MAX: variants seen among roughly 807,000 people sequenced by gnomAD.
MAX encodes protein max.
A neutral mutation model predicts 22.3 loss-of-function variants in MAX; 3 were observed. That is an observed-to-expected ratio of 0.13 (90% CI 0.06 to 0.35). The LOEUF is 0.35. Ranked by LOEUF, MAX falls within the 10% of genes least tolerant of loss-of-function variation. The pLI, the probability that MAX is intolerant of heterozygous loss-of-function variation, is 1.00. For synonymous variants in MAX, 72 were observed against 77.7 expected (o/e 0.93, Z 0.39); for missense variants, 119 against 209.4 (o/e 0.57, Z 2.66).
chr14:65,097,531 A>G (rs2063706583), intron 2 of MAX, among the ~76,000 whole-genome samples: 2 of 152,218 alleles, frequency 1.3e-5, no homozygotes. Flanking sequence ...AACCATCTCA[A>G]TTCTAATACA....
In MAX at chr14:65,028,786, ATTC is replaced by A. The variant is rs2062028541; in HGVS notation, c.172-22505_172-22503del. Reference sequence around the variant, plus strand: ...GACTGAGGTAAATCAGTATGTGTTGATTCTTCTTAAGGAAAATGTTAAAAGAGT... The same window carrying A: ...GACTGAGGTAAATCAGTATGTGTTGATTCTTAAGGAAAATGTTAAAAGAGT... On this transcript the variant is annotated intron_variant, in intron 3 of 3. Coordinates refer to the MAX transcript ENST00000341653. The surrounding 1 kb of genome is among the most constrained non-coding windows in gnomAD (Gnocchi z 4.4). Among the ~76,000 whole-genome samples, 1 of 152,198 alleles carries A rather than the reference ATTC, an allele frequency of 6.6e-6. No homozygotes were observed. The highest frequency in any genetic ancestry group is 2.4e-5 in the African/African-American group (1 of 41,454).
chr14:65,050,031 C>T (rs963958839), intron 3 of MAX, among the ~76,000 whole-genome samples: 1 of 151,994 alleles, frequency 6.6e-6, no homozygotes, highest in African/African-American at 2.4e-5. Flanking sequence ...GTTTTAAACT[C>T]ACATAACCAA....
chr14:65,062,830 G>C lies in MAX; in HGVS notation c.171+30878C>G, dbSNP rs1326349217. ...CGTCTCCTCCAGTAGAGGAAGCCGT[G>C]GGCCTAACAGAGAGTGGGAAGAGAT... On this transcript the variant is annotated intron_variant, in intron 3 of 3. Coordinates refer to the MAX transcript ENST00000341653. The surrounding 1 kb of genome is among the most constrained non-coding windows in gnomAD (Gnocchi z 4.3). Among the ~76,000 whole-genome samples, 1 of 152,174 alleles carries C rather than the reference G, an allele frequency of 6.6e-6. No individual in the cohort carries two copies. The highest frequency in any genetic ancestry group is 1.5e-5 in the Non-Finnish European group (1 of 68,020).
At chr14:65,099,243 C>T (rs987102013) in intron 2 of MAX, among the ~76,000 whole-genome samples, 2 of 152,070 alleles carry the variant, frequency 1.3e-5, no homozygotes, top group Non-Finnish European at 2.9e-5. Context: ...TCTCTCCATG[C>T]TGTTGTAATT....
At position 65,027,288 on chromosome 14, in the gene MAX, T is replaced by C; in HGVS notation, c.172-21004A>G. The C allele has an allele frequency of 9.4e-7, 1 of 1,064,374 alleles. No individual in the cohort carries two copies. The highest frequency in any genetic ancestry group is 1.6e-5 in the South Asian group (1 of 63,826). 65.9% of individuals were successfully genotyped at this position (1,064,374 alleles called of 1,614,324 possible). On this transcript the variant is annotated intron_variant, in intron 3 of 3. Transcript: ENST00000341653. The surrounding 1 kb of genome is among the most constrained non-coding windows in gnomAD (Gnocchi z 5.7). Reference sequence around the variant, plus strand: ...GAAATGATGATAGCTGGAGAGAGAATTAAGCCCTTTGGGGAGAGGTTATAT... The same window carrying C: ...GAAATGATGATAGCTGGAGAGAGAACTAAGCCCTTTGGGGAGAGGTTATAT...
Position 65,084,980 on chromosome 14 carries a change from G to A in MAX, c.172-6944C>T, listed in dbSNP as rs1342686587. ...AGTCACATTAAATGGGGCAGGGGGG[G>A]TACGGAGAGTCTATTTTTGGATTAT... On this transcript the variant is annotated intron_variant, in intron 3 of 4. Transcript: ENST00000358664. This position sits in a 1 kb window ranked among gnomAD's most constrained non-coding sequence, Gnocchi z 4.3. 1.3e-5 allele frequency among the ~76,000 whole-genome samples: 2 copies of A among 149,184 alleles called. No individual in the cohort carries two copies. The highest frequency in any genetic ancestry group is 4.2e-4 in the South Asian group (2 of 4,726).
At chr14:65,083,769 T>C in intron 3 of MAX, 3 of 1,106,792 alleles carry the variant, frequency 2.7e-6, no homozygotes, top group Non-Finnish European at 3.3e-6. Flanking sequence ...TGTTTTATTT[T>C]GTACTAGTTA....
chr14:65,013,755 C>T (rs1219083049), intron 3 of MAX, among the ~76,000 whole-genome samples: 2 of 152,150 alleles, frequency 1.3e-5, no homozygotes, highest in African/African-American at 4.8e-5. Flanking sequence ...ACCATATTGG[C>T]CAGGCTGGTC....
At chr14:65,059,866 C>T (rs1252890696) in intron 3 of MAX, among the ~76,000 whole-genome samples, 4 of 138,950 alleles carry the variant, frequency 2.9e-5, no homozygotes, top group East Asian at 2.1e-4. Flanking sequence ...GACAGAGTCT[C>T]GCTGTTGCCC....
Position 65,012,434 on chromosome 14 carries a change from A to G in MAX, c.172-6150T>C. The G allele has an allele frequency of 1.9e-6, 3 of 1,611,072 alleles. No homozygotes were observed. The highest frequency in any genetic ancestry group is 2.5e-6 in the Non-Finnish European group (3 of 1,177,516). On this transcript the variant is annotated intron_variant, in intron 3 of 3. Transcript: ENST00000341653. This position sits in a 1 kb window ranked among gnomAD's most constrained non-coding sequence, Gnocchi z 5.0. ...ACTCTTGCTGTCAAATTATCCACCAAATCCTCCTCCTTTTTCTATTTAAAC... is the reference window on the plus strand; with the variant it reads ...ACTCTTGCTGTCAAATTATCCACCAGATCCTCCTCCTTTTTCTATTTAAAC...
chr14:65,066,714 C>T (rs1291189191), intron 3 of MAX, among the ~76,000 whole-genome samples: 1 of 151,594 alleles, frequency 6.6e-6, no homozygotes, highest in East Asian at 2.0e-4. Context: ...ATTAGCCGCG[C>T]ATGGTGGTGC....
At position 65,028,713 on chromosome 14, in the gene MAX, CA is replaced by C. The variant is rs565657190; in HGVS notation, c.172-22430del. On this transcript the variant is annotated intron_variant, in intron 3 of 3. Coordinates refer to the MAX transcript ENST00000341653. This position sits in a 1 kb window ranked among gnomAD's most constrained non-coding sequence, Gnocchi z 4.4. ...CTATCTCTAACTTGTCTAATCCAAC[CA>C]AAAAAATTAGATTAGGATCTGTGTA... Among the ~76,000 whole-genome samples, 443 of 152,216 alleles carry C rather than the reference CA, an allele frequency of 2.9e-3. 3 individuals carry two copies. The highest frequency in any genetic ancestry group is 1.0e-2 in the African/African-American group (415 of 41,532).
chr14:65,045,532 C>T (rs1215052807), intron 3 of MAX, among the ~76,000 whole-genome samples: 1 of 151,764 alleles, frequency 6.6e-6, no homozygotes, highest in Non-Finnish European at 1.5e-5. Context: ...TCTCCTGCCT[C>T]AGCCTCCTGA....
rs991059421 is a variant in MAX at position 65,076,882 on chromosome 14, C to T, written c.296-219G>A. On this transcript the variant is annotated intron_variant, in intron 4 of 4. Coordinates refer to ENST00000358664, the MANE Select transcript of MAX (RefSeq NM_002382.5). The surrounding 1 kb of genome is among the most constrained non-coding windows in gnomAD (Gnocchi z 6.6). ...GACCTGGGAGCCAGCAGACACTCTGCAATCCCACCCAACTCTGAAGAGAAG... is the reference window on the plus strand; with the variant it reads ...GACCTGGGAGCCAGCAGACACTCTGTAATCCCACCCAACTCTGAAGAGAAG... 3.8e-5 allele frequency: 24 copies of T among 634,954 alleles called. No homozygotes were observed. The highest frequency in any genetic ancestry group is 6.3e-5 in the Non-Finnish European group (22 of 350,508). 39.3% of individuals were successfully genotyped at this position (634,954 alleles called of 1,614,324 possible).
chr14:65,087,296 A>G (rs950457164), intron 3 of MAX, among the ~76,000 whole-genome samples: 3 of 152,172 alleles, frequency 2.0e-5, no homozygotes, highest in Middle Eastern at 3.2e-3. Flanking sequence ...TGGAGCTGTG[A>G]GAAGAGTGCC....
chr14:65,018,781 G>A (rs2061827609), intron 3 of MAX, among the ~76,000 whole-genome samples: 1 of 143,846 alleles, frequency 7.0e-6, no homozygotes, highest in Non-Finnish European at 1.5e-5. Context: ...CTCTACTCCA[G>A]CCTGGAGGAC....
chr14:65,054,791 G>A lies in MAX; in HGVS notation c.171+38917C>T. On this transcript the variant is annotated intron_variant, in intron 3 of 3. Coordinates refer to the MAX transcript ENST00000341653. The surrounding 1 kb of genome is among the most constrained non-coding windows in gnomAD (Gnocchi z 4.4). ...TGGCTCTGCATTTCCTGTGTGGACA[G>A]GCGGAAGCTTGTGGTCCCTCTGCCC... The A allele has an allele frequency of 7.6e-7, 1 of 1,307,872 alleles. No homozygotes were observed. Among genetic ancestry groups the A allele is most frequent in the Non-Finnish European group, 1.1e-6 (1 of 944,922 alleles). 81.0% of individuals were successfully genotyped at this position (1,307,872 alleles called of 1,614,324 possible).
chr14:65,102,144 G>A (rs1215413157), intron 1 of MAX, among the ~76,000 whole-genome samples, 160 bp downstream of exon 1: 1 of 152,148 alleles, frequency 6.6e-6, no homozygotes, highest in Non-Finnish European at 1.5e-5. Flanking sequence ...GGAGCCGGAG[G>A]GGAGCGAACC....
At position 65,044,692 on chromosome 14, in the gene MAX, C is replaced by T. The variant is rs1268355057; in HGVS notation, c.172-38408G>A. 9.3e-6 allele frequency: 5 copies of T among 536,950 alleles called. No homozygotes were observed. Among genetic ancestry groups the T allele is most frequent in the Admixed American group, 4.5e-5 (1 of 22,262 alleles). 33.3% of individuals were successfully genotyped at this position (536,950 alleles called of 1,614,324 possible). On this transcript the variant is annotated intron_variant, in intron 3 of 3. Transcript: ENST00000341653. The surrounding 1 kb of genome is among the most constrained non-coding windows in gnomAD (Gnocchi z 5.5). ...AGAATGAGCTTCCTTGAAATTGCTACGGGGAGCGGGGAGGAAGTGGGCGCT... is the reference window on the plus strand; with the variant it reads ...AGAATGAGCTTCCTTGAAATTGCTATGGGGAGCGGGGAGGAAGTGGGCGCT...
Sources: allele counts gnomAD v4.1 joint callset (sites outside exome capture counted in the v4.1 genomes callset), GRCh38; gene constraint gnomAD v4.1.1; non-coding constraint Gnocchi (gnomAD v3.1); transcripts MANE v1.5; gene names NCBI Gene and HGNC (gene_info 2026-07-23, HGNC 2026-07-21).